CNTNAP2: variants seen among roughly 807,000 people sequenced by gnomAD.
CNTNAP2 encodes contactin associated protein 2.
CNTNAP2 carries 98 observed loss-of-function variants against 155.2 expected under a neutral mutation model. The ratio of observed to expected loss-of-function variants is 0.63; its 90% CI spans 0.54 to 0.75. The LOEUF (loss-of-function observed/expected upper bound fraction) is 0.75, where lower values mean the gene tolerates loss of function less well. CNTNAP2 is among the 30% of genes least tolerant of loss of function. The pLI is 0.00. For synonymous variants in CNTNAP2, 651 were observed against 631.2 expected (o/e 1.03, Z -0.47); for missense variants, 1,727 against 1,688.1 (o/e 1.02, Z -0.40).
chr7:146,977,519 T>G (rs1317323862), intron 3 of CNTNAP2, among the ~76,000 whole-genome samples: 2 of 152,204 alleles, frequency 1.3e-5, no homozygotes, highest in Non-Finnish European at 2.9e-5. Context: ...TTGCCACATG[T>G]GAACCCTAAC....
chr7:148,096,482 TA>T (rs1029661541), intron 15 of CNTNAP2, among the ~76,000 whole-genome samples: 2 of 152,276 alleles, frequency 1.3e-5, no homozygotes, highest in African/African-American at 4.8e-5. Context: ...ATTTAGACCA[TA>T]AAAACATTTC....
chr7:147,768,323 T>C lies in CNTNAP2; in HGVS notation c.2098+129017T>C, dbSNP rs181187374. 2.7e-3 allele frequency among the ~76,000 whole-genome samples: 418 copies of C among 152,242 alleles called. 3 individuals are homozygous for C. The highest frequency in any genetic ancestry group is 9.7e-3 in the African/African-American group (404 of 41,568). The stretch of plus-strand genomic sequence containing the variant: ...GAGTTCAGATCCTAAAATGAAAATT[T>C]GTAAATCGGGAGGAAGTGTATGGCT... On this transcript the variant is annotated intron_variant, in intron 13 of 23. Coordinates refer to ENST00000361727, the MANE Select transcript of CNTNAP2 (RefSeq NM_014141.6).
Position 146,922,262 on chromosome 7 carries a change from GAA to G in CNTNAP2, c.402+82369_402+82370del, listed in dbSNP as rs34517769. ...TATGGGCAAAGAAAACTTAATAAAGGAAAAAAAAAAAACGCCACTTTCAGCCT... is the reference window on the plus strand; with the variant it reads ...TATGGGCAAAGAAAACTTAATAAAGGAAAAAAAAAACGCCACTTTCAGCCT... On this transcript the variant is annotated intron_variant, in intron 3 of 23. Coordinates refer to ENST00000361727, the MANE Select transcript of CNTNAP2 (RefSeq NM_014141.6). Among the ~76,000 whole-genome samples the G allele has an allele frequency of 1.8e-3, 260 of 146,848 alleles. 1 individual carries two copies. Among genetic ancestry groups the G allele is most frequent in the Non-Finnish European group, 1.6e-3 (107 of 66,662 alleles).
intron 1 of CNTNAP2, among the ~76,000 whole-genome samples, chr7:146,225,949 T>G (rs1262774867): frequency 1.3e-5 from 2 of 152,234 alleles, no homozygotes; most frequent in Non-Finnish European, 2.9e-5. Flanking sequence ...CAGCCAGTAT[T>G]CATTTCTGCT....
chr7:146,716,505 C>G (rs2129176255), intron 1 of CNTNAP2, among the ~76,000 whole-genome samples: 1 of 152,260 alleles, frequency 6.6e-6, no homozygotes, highest in African/African-American at 2.4e-5. Flanking sequence ...ATACAAACAC[C>G]TTTGTTTCTG....
intron 13 of CNTNAP2, among the ~76,000 whole-genome samples, chr7:147,851,082 A>G (rs1798930256): frequency 1.3e-5 from 2 of 152,244 alleles, no homozygotes; most frequent in African/African-American, 4.8e-5. Flanking sequence ...ACAAGAAAAA[A>G]CAAACAACCC....
intron 1 of CNTNAP2, among the ~76,000 whole-genome samples, chr7:146,715,738 T>C (rs1801175816): frequency 6.6e-6 from 1 of 152,206 alleles, no homozygotes. Context: ...TTAAATAGTT[T>C]TTTAAAATAT....
intron 10 of CNTNAP2, among the ~76,000 whole-genome samples, chr7:147,411,241 A>C (rs1325551672): frequency 6.6e-6 from 1 of 152,152 alleles, no homozygotes; most frequent in Non-Finnish European, 1.5e-5. Flanking sequence ...ATAAAATAAG[A>C]AGTATTCAAT....
chr7:146,174,938 C>T (rs1180162429), intron 1 of CNTNAP2, among the ~76,000 whole-genome samples: 1 of 152,114 alleles, frequency 6.6e-6, no homozygotes. Flanking sequence ...TAGATGCCCC[C>T]AACTTTCCCA....
chr7:147,192,852 C>G (rs1802709189), intron 8 of CNTNAP2, among the ~76,000 whole-genome samples: 1 of 152,148 alleles, frequency 6.6e-6, no homozygotes, highest in African/African-American at 2.4e-5. Flanking sequence ...ACAGTTGTGA[C>G]TAGTGGATGA....
At chr7:148,253,033 G>T (rs1585218594) in intron 20 of CNTNAP2, among the ~76,000 whole-genome samples, 3 of 116,328 alleles carry the variant, frequency 2.6e-5, no homozygotes, top group Admixed American at 1.8e-4. Context: ...TAGATAGATA[G>T]ATAGATAGAT....
At chr7:146,473,558 ATTC>A (rs1796830812) in intron 1 of CNTNAP2, among the ~76,000 whole-genome samples, 1 of 152,076 alleles carries the variant, frequency 6.6e-6, no homozygotes, top group South Asian at 2.1e-4. Flanking sequence ...GGGTGACAAT[ATTC>A]TTCTTTCTTT....
At chr7:146,544,873 G>A (rs960051210) in intron 1 of CNTNAP2, among the ~76,000 whole-genome samples, 3 of 151,888 alleles carry the variant, frequency 2.0e-5, no homozygotes, top group East Asian at 3.9e-4. Context: ...TCATCACAGG[G>A]TACTCTTGTA....
At chr7:147,696,669 T>A (rs779304987) in intron 13 of CNTNAP2, among the ~76,000 whole-genome samples, 8 of 151,824 alleles carry the variant, frequency 5.3e-5, no homozygotes, top group Non-Finnish European at 1.0e-4. Context: ...TCATTTAACA[T>A]TTTTTTTGCA....
intron 21 of CNTNAP2, among the ~76,000 whole-genome samples, chr7:148,336,630 G>A (rs1293644746): frequency 6.6e-6 from 1 of 151,676 alleles, no homozygotes; most frequent in African/African-American, 2.4e-5. Flanking sequence ...AAGAAAATGC[G>A]ATCTAGTTTC....
chr7:147,792,514 G>GTGTA (rs1407716247), intron 13 of CNTNAP2, among the ~76,000 whole-genome samples: 2 of 150,884 alleles, frequency 1.3e-5, no homozygotes, highest in Non-Finnish European at 3.0e-5. Context: ...GTGTGTGTGT[G>GTGTA]TATATATATA....
At chr7:148,359,286 G>A (rs185830536) in intron 21 of CNTNAP2, among the ~76,000 whole-genome samples, 10 of 152,336 alleles carry the variant, frequency 6.6e-5, no homozygotes, top group African/African-American at 2.4e-4. Context: ...TTCACAGAGT[G>A]TATCCCCATC....
chr7:146,985,737 T>C (rs954011340), intron 3 of CNTNAP2, among the ~76,000 whole-genome samples: 13 of 152,262 alleles, frequency 8.5e-5, no homozygotes, highest in African/African-American at 3.1e-4. Context: ...CCCTTTTCTT[T>C]GAAATAAAGA....
At chr7:146,739,674 A>T (rs1801679143) in intron 1 of CNTNAP2, among the ~76,000 whole-genome samples, 1 of 151,980 alleles carries the variant, frequency 6.6e-6, no homozygotes, top group African/African-American at 2.4e-5. Flanking sequence ...TTGATCTAGA[A>T]TGTAGTTCAA....
Sources: allele counts gnomAD v4.1 joint callset (sites outside exome capture counted in the v4.1 genomes callset), GRCh38; gene constraint gnomAD v4.1.1; transcripts MANE v1.5; gene names NCBI Gene and HGNC (gene_info 2026-07-23, HGNC 2026-07-21).